The following RNH1 variants were observed in gnomAD, a reference collection of about 807,000 sequenced individuals.
RNH1 encodes the protein ribonuclease inhibitor.
Under a neutral mutation model 46.1 loss-of-function variants are expected in RNH1, and 38 were observed. That is an observed-to-expected ratio of 0.82 (90% CI 0.64 to 1.08). RNH1 has a LOEUF of 1.08. Among genes scored for constraint, RNH1 ranks in the 50% least tolerant of loss-of-function variants. The pLI, the probability that RNH1 is intolerant of heterozygous loss-of-function variation, is 0.00. For missense variants in RNH1, 577 were observed against 590.7 expected (o/e 0.98, Z 0.24); for synonymous variants, 319 against 279.1 (o/e 1.14, Z -1.43).
At chr11:504,217 T>C (rs984395447) in intron 2 of RNH1, among the ~76,000 whole-genome samples, 1 of 152,086 alleles carries the variant, frequency 6.6e-6, no homozygotes, top group South Asian at 2.1e-4. Flanking sequence ...GGGGCCACCC[T>C]CTAGGGAGAC....
chr11:498,356 G>A, intron 8 of RNH1, 101 bp downstream of exon 8: 2 of 1,480,946 alleles, frequency 1.4e-6, no homozygotes, highest in South Asian at 2.5e-5. Context: ...TCGGAGCTGA[G>A]CCCAGCAGCT....
intron 9 of RNH1, among the ~76,000 whole-genome samples, chr11:495,275 G>A (rs184965287): frequency 2.4e-4 from 37 of 152,348 alleles, no homozygotes; most frequent in African/African-American, 8.4e-4. Flanking sequence ...AGCCTCACTC[G>A]CCTGAGATCT....
At position 504,930 on chromosome 11, in the gene RNH1, CGCCGCTCG is replaced by C. The variant is rs1850134549; in HGVS notation, c.-202_-195del. 6.6e-6 allele frequency: 1 copy of C among 152,196 alleles called. No homozygotes were observed. Among genetic ancestry groups the C allele is most frequent in the African/African-American group, 2.4e-5 (1 of 41,448 alleles). The allele number at this position is 152,196 out of a possible 1,614,324, so 9.4% of individuals were successfully genotyped here. A position where few individuals can be genotyped will look rare whatever the true frequency, so the allele number is the denominator to read the frequency against. ...GAGGCTGTGAGGACGGGTTTTGGAG[CGCCGCTCG>C]GCCGTCCTCAAAACTTTGGACACAC... On this transcript the variant is annotated 5_prime_UTR_variant, in exon 2 of 11. Transcript: ENST00000354420.
chr11:500,179 C>T (rs1849615298), intron 4 of RNH1, 180 bp from the exon 5 acceptor site: 1 of 745,302 alleles, frequency 1.3e-6, no homozygotes, highest in Non-Finnish European at 2.1e-6. Flanking sequence ...ACGCATGTGG[C>T]TCGACCCAGG....
At position 497,859 on chromosome 11, in the gene RNH1, C is replaced by T. The variant is rs1340556195; in HGVS notation, c.1127+112G>A. ...CACTCGCCTCACCCATGTGTGCTCA[C>T]ATACACACGGACACTCGTGCTCACA... On this transcript the variant is annotated intron_variant, in intron 9 of 10. Transcript: ENST00000354420. 3.0e-6 allele frequency: 4 copies of T among 1,318,084 alleles called. No homozygotes were observed. The South Asian group carries it at 4.1e-5, about 13-fold the overall frequency. 81.6% of individuals were successfully genotyped at this position (1,318,084 alleles called of 1,614,324 possible). A position where few individuals can be genotyped will look rare whatever the true frequency, so the allele number is the denominator to read the frequency against.
intron 1 of RNH1, chr11:506,793 A>C (rs1016998852): frequency 2.6e-5 from 4 of 152,276 alleles, no homozygotes; most frequent in Non-Finnish European, 4.4e-5. Flanking sequence ...CTTGACGGCC[A>C]CGTGAGGACG....
chr11:496,774 C>T (rs1849105071), intron 9 of RNH1, among the ~76,000 whole-genome samples: 1 of 152,260 alleles, frequency 6.6e-6, no homozygotes, highest in Non-Finnish European at 1.5e-5. Context: ...TTACCTCCTG[C>T]AAAACCTTTT....
chr11:496,048 C>T (rs1849025163), intron 9 of RNH1, among the ~76,000 whole-genome samples: 1 of 150,044 alleles, frequency 6.7e-6, no homozygotes, highest in Non-Finnish European at 1.5e-5. Context: ...CTCCACAAGA[C>T]ATCAGGACAG....
chr11:500,282 G>A (rs71487296), intron 4 of RNH1: 72,139 of 707,236 alleles, frequency 0.1, 4,592 homozygotes, highest in Admixed American at 0.18. Flanking sequence ...TGGGTGCGGG[G>A]GCTGGGATAA....
In RNH1 at chr11:502,169, G is replaced by A. The variant is rs576057477; in HGVS notation, c.-7C>T. 2.5e-6 allele frequency: 4 copies of A among 1,603,252 alleles called. No homozygotes were observed. Among genetic ancestry groups the A allele is most frequent in the Non-Finnish European group, 2.6e-6 (3 of 1,173,774 alleles). On this transcript the variant is annotated 5_prime_UTR_variant, in exon 3 of 11. Coordinates refer to ENST00000354420, the MANE Select transcript of RNH1 (RefSeq NM_203387.3). The surrounding 1 kb of genome is among the most constrained non-coding windows in gnomAD (Gnocchi z 5.8). ...TCTGGATGTCCAGGCTCATGGTGGA[G>A]GTGAAGAGTGGCCTGGGTGGGAGGC...
intron 4 of RNH1, 62 bp from the exon 5 acceptor site, chr11:500,061 C>A: frequency 6.9e-7 from 1 of 1,450,414 alleles, no homozygotes. Context: ...CCTTCGCCTG[C>A]CAGAGCCCAG....
rs115701885 is a variant in RNH1 at position 502,738 on chromosome 11, A to T, written c.-87-489T>A. 1,149 of 157,258 alleles carry T rather than the reference A, an allele frequency of 7.3e-3. 12 individuals are homozygous for T. Among genetic ancestry groups the T allele is most frequent in the African/African-American group, 0.026 (1,064 of 41,648 alleles). The allele number at this position is 157,258 out of a possible 1,614,324, so 9.7% of individuals were successfully genotyped here. A position where few individuals can be genotyped will look rare whatever the true frequency, so the allele number is the denominator to read the frequency against. ...ACCCGGCCACAGTGTCCGAAGCAAG[A>T]CAGAGCAGGGGGGCGGCCACTTGGG... On this transcript the variant is annotated intron_variant, in intron 2 of 10. Coordinates refer to ENST00000354420, the MANE Select transcript of RNH1 (RefSeq NM_203387.3). This position sits in a 1 kb window ranked among gnomAD's most constrained non-coding sequence, Gnocchi z 5.8.
At position 494,673 on chromosome 11, in the gene RNH1, G is replaced by A. The variant is rs779109552; in HGVS notation, c.*18C>T. 6.2e-7 allele frequency: 1 copy of A among 1,611,394 alleles called. No homozygotes were observed. The highest frequency in any genetic ancestry group is 1.1e-5 in the South Asian group (1 of 91,052). ...CCTCGAGGCCGGTCGTCCAGGGAGA[G>A]CAGCAGCAGGAAGAGCCTCAGGAGA... On this transcript the variant is annotated 3_prime_UTR_variant, in exon 11 of 11. Transcript: ENST00000354420.
At chr11:504,190 C>T (rs962435953) in intron 2 of RNH1, among the ~76,000 whole-genome samples, 1 of 152,210 alleles carries the variant, frequency 6.6e-6, no homozygotes, top group Non-Finnish European at 1.5e-5. Context: ...CCTTATGTTC[C>T]GACGTGACGG....
chr11:500,513 C>A lies in RNH1; in HGVS notation c.243G>T (p.Gln81His). 6.2e-7 allele frequency: 1 copy of A among 1,609,212 alleles called. No individual in the cohort carries two copies. The highest frequency in any genetic ancestry group is 8.5e-7 in the Non-Finnish European group (1 of 1,179,786). ...VGVHCVLQGL[Q>H]TPSCKIQKLS... ...GCTTCTGGATCTTGCAGGAGGGGGTCTGCAGGCCCTGGAGCACGCAATGCA... is the reference window on the plus strand; with the variant it reads ...GCTTCTGGATCTTGCAGGAGGGGGTATGCAGGCCCTGGAGCACGCAATGCA... Residue 81 changes from glutamine (Q) to histidine (H), a missense_variant, in exon 4 of 11, where the codon CAG becomes CAT. Physicochemically the swap from Gln to His is conservative, Grantham distance 24 (BLOSUM62 0). Transcript: ENST00000354420.
chr11:500,302 G>A (rs1849626050), intron 4 of RNH1, 182 bp downstream of exon 4: 2 of 767,342 alleles, frequency 2.6e-6, no homozygotes, highest in Non-Finnish European at 2.1e-6. Context: ...AGGCAGGAAG[G>A]GCCCTGTCCC....
At chr11:505,139 T>G (rs961705960) in intron 1 of RNH1, 143 bp from the exon 2 acceptor site, 7 of 152,146 alleles carry the variant, frequency 4.6e-5, no homozygotes, top group Non-Finnish European at 8.8e-5. Context: ...CCCAACCACC[T>G]TGGGCACATG....
intron 9 of RNH1, among the ~76,000 whole-genome samples, chr11:496,960 C>T (rs1033060382): frequency 6.6e-6 from 1 of 152,246 alleles, no homozygotes; most frequent in Non-Finnish European, 1.5e-5. Flanking sequence ...TGAAACATGA[C>T]CTCTGACTTT....
rs115935464 is a variant in RNH1, at chr11:498,813, C to T, written c.735G>A (p.Ala245=). The change falls in exon 7 of 11, where the codon GCG becomes GCA. Residue 245 remains alanine (A), a synonymous_variant. Transcript: ENST00000354420. ...GGTGGAGCAGCCCTGGGCACAGCTCCGCCATGCCCACATCACCCAGCTTGT... is the reference window on the plus strand; with the variant it reads ...GGTGGAGCAGCCCTGGGCACAGCTCTGCCATGCCCACATCACCCAGCTTGT... ...GSNKLGDVGM[A]ELCPGLLHPS... The T allele has an allele frequency of 4.5e-4, 719 of 1,608,632 alleles. 5 individuals carry two copies. The African/African-American group carries it at 7.7e-3, about 17-fold the overall frequency.
Sources: allele counts gnomAD v4.1 joint callset (sites outside exome capture counted in the v4.1 genomes callset), GRCh38; gene constraint gnomAD v4.1.1; non-coding constraint Gnocchi (gnomAD v3.1); transcripts MANE v1.5; gene names NCBI Gene and HGNC (gene_info 2026-07-23, HGNC 2026-07-21).